The following LRRIQ3 variants were observed in gnomAD, a reference collection of about 807,000 sequenced individuals.
The protein encoded by LRRIQ3 is leucine rich repeats and IQ motif containing 3, also known as leucine-rich repeat and IQ domain-containing protein 3.
A neutral mutation model predicts 59.3 loss-of-function variants in LRRIQ3; 75 were observed. The ratio of observed to expected loss-of-function variants is 1.26; its 90% CI spans 1.05 to 1.53. The LOEUF (loss-of-function observed/expected upper bound fraction) is 1.53, where lower values mean the gene tolerates loss of function less well. Among genes scored for constraint, LRRIQ3 ranks in the 40% most tolerant of loss-of-function variants. The pLI is 0.00. For synonymous variants in LRRIQ3, 250 were observed against 231.3 expected (o/e 1.08, Z -0.73); for missense variants, 831 against 710.0 (o/e 1.17, Z -1.94).
intron 5 of LRRIQ3, among the ~76,000 whole-genome samples, chr1:74,086,086 G>A (rs564591479): frequency 2.0e-5 from 3 of 151,988 alleles, no homozygotes; most frequent in Admixed American, 6.6e-5. Flanking sequence ...AGTGTCTTCA[G>A]GCCAAAATTT....
At chr1:74,108,844 C>A in intron 5 of LRRIQ3, 1 of 362,366 alleles carries the variant, frequency 2.8e-6, no homozygotes, top group South Asian at 2.2e-5. Context: ...ACCTCTATGT[C>A]TCTTAGTTTT....
At chr1:74,035,712 T>C (rs1001245923) in intron 7 of LRRIQ3, among the ~76,000 whole-genome samples, 1 of 152,146 alleles carries the variant, frequency 6.6e-6, no homozygotes, top group African/African-American at 2.4e-5. Context: ...TGCACAACTG[T>C]CTACTGAGAC....
rs867418143 is a variant in LRRIQ3, at chr1:74,041,470, C to T, written c.1461G>A (p.Trp487Ter). ...TTTCAAGGTAGTTGAATCTGTTTTGCCAAACTTGTCGTAAACTGTTCTGAA... is the reference window on the plus strand; with the variant it reads ...TTTCAAGGTAGTTGAATCTGTTTTGTCAAACTTGTCGTAAACTGTTCTGAA... Reference protein sequence around the residue: ...ETIQNSLRQVWQNRFNYLEKA... With the variant: ...ETIQNSLRQV The change falls in exon 7 of 8, where the codon TGG becomes TGA. Residue 487 changes from tryptophan (W) to a stop codon, truncating the protein, a stop_gained. Transcript: ENST00000354431. LOFTEE classifies it high-confidence loss of function. 6.2e-7 allele frequency: 1 copy of T among 1,613,498 alleles called. No homozygotes were observed. Among genetic ancestry groups the T allele is most frequent in the African/African-American group, 1.3e-5 (1 of 74,982 alleles).
rs192223356 is a variant in LRRIQ3 at position 74,180,800 on chromosome 1, C to T, written c.573+1738G>A. Reference sequence around the variant, plus strand: ...GTAAAATAAGACTAACATTTTTCCACATCCAAGGAAACAATGAGGAATAAA... The same window carrying T: ...GTAAAATAAGACTAACATTTTTCCATATCCAAGGAAACAATGAGGAATAAA... On this transcript the variant is annotated intron_variant, in intron 3 of 7. Transcript: ENST00000354431. 16 of 1,549,146 alleles carry T rather than the reference C, an allele frequency of 1.0e-5. No individual in the cohort carries two copies. The Admixed American group carries it at 2.8e-4, about 27-fold the overall frequency.
chr1:74,172,920 T>C (rs1030657377), intron 3 of LRRIQ3, among the ~76,000 whole-genome samples: 1 of 152,164 alleles, frequency 6.6e-6, no homozygotes, highest in Non-Finnish European at 1.5e-5. Flanking sequence ...AATATGTTTT[T>C]CCATTTCTTT....
In LRRIQ3 at chr1:74,107,277, C is replaced by G. The variant is rs1019059076; in HGVS notation, c.867+2117G>C. ...ACCTTGAATTCTATTCTTGGCTAAT[C>G]CTTTGTATTGTTTTGCTCATGGCAT... On this transcript the variant is annotated intron_variant, in intron 5 of 7. Coordinates refer to ENST00000354431, the MANE Select transcript of LRRIQ3 (RefSeq NM_001105659.2). Among the ~76,000 whole-genome samples, 5 of 151,984 alleles carry G rather than the reference C, an allele frequency of 3.3e-5. No individual in the cohort carries two copies. The South Asian group carries it at 8.3e-4, about 25-fold the overall frequency.
At chr1:74,137,687 C>A (rs1647147504) in intron 4 of LRRIQ3, among the ~76,000 whole-genome samples, 1 of 151,992 alleles carries the variant, frequency 6.6e-6, no homozygotes, top group Non-Finnish European at 1.5e-5. Flanking sequence ...AGACTTGGAA[C>A]CAACCCAAAT....
At chr1:74,128,013 T>C (rs2100602588) in intron 4 of LRRIQ3, among the ~76,000 whole-genome samples, 1 of 152,184 alleles carries the variant, frequency 6.6e-6, no homozygotes, top group East Asian at 1.9e-4. Context: ...CAGCTTTTTT[T>C]CCTTCAGCAC....
chr1:74,164,124 T>C (rs934330956), intron 3 of LRRIQ3, among the ~76,000 whole-genome samples: 4 of 151,558 alleles, frequency 2.6e-5, no homozygotes, highest in Non-Finnish European at 4.4e-5. Context: ...TGTATGTGTG[T>C]CTGTGTGTGT....
chr1:74,189,018 T>G (rs1426898839), intron 1 of LRRIQ3, among the ~76,000 whole-genome samples: 2 of 152,182 alleles, frequency 1.3e-5, no homozygotes, highest in Admixed American at 1.3e-4. Flanking sequence ...ATTCTGTGTG[T>G]TGACTCAGTT....
chr1:74,083,965 TATC>T (rs1412576506), intron 5 of LRRIQ3: 1 of 415,234 alleles, frequency 2.4e-6, no homozygotes, highest in Non-Finnish European at 4.4e-6. Flanking sequence ...AAGGAAATAA[TATC>T]ATGAACATTT....
chr1:74,037,645 CA>C (rs1359819127), intron 7 of LRRIQ3, among the ~76,000 whole-genome samples: 3 of 151,864 alleles, frequency 2.0e-5, no homozygotes, highest in Non-Finnish European at 4.4e-5. Flanking sequence ...CAAAACAAAA[CA>C]AAAAACAAAC....
chr1:74,026,969 T>G lies in LRRIQ3; in HGVS notation c.1719A>C (p.Arg573Ser). Residue 573 changes from arginine (R) to serine (S), a missense_variant and splice_region_variant, in exon 8 of 8, where the codon AGA becomes AGC. Transcript: ENST00000354431. ...AATGTCTTTTATATATTTCTTGAGA[T>G]CTAAGAGGAGAAAGAAAGGTAATAG... ...KNLLKEMKKV[R>S]SQEIYKRHCE... The G allele has an allele frequency of 1.3e-6, 2 of 1,518,030 alleles. No individual in the cohort carries two copies. Among genetic ancestry groups the G allele is most frequent in the Non-Finnish European group, 1.8e-6 (2 of 1,114,790 alleles). The allele number at this position is 1,518,030 out of a possible 1,614,324, so 94.0% of individuals were successfully genotyped here.
At chr1:74,085,166 A>C (rs1377112775) in intron 5 of LRRIQ3, among the ~76,000 whole-genome samples, 1 of 151,832 alleles carries the variant, frequency 6.6e-6, no homozygotes, top group African/African-American at 2.4e-5. Flanking sequence ...TTTTCACAAA[A>C]TATATGAAAA....
intron 2 of LRRIQ3, 197 bp from the exon 3 acceptor site, chr1:74,183,058 A>C (rs1316641458): frequency 1.3e-5 from 5 of 382,094 alleles, no homozygotes; most frequent in Admixed American, 8.9e-5. Flanking sequence ...GAGATAATTT[A>C]TTATTATTCG....
Position 74,110,091 on chromosome 1 carries a change from T to C in LRRIQ3, c.708-538A>G, listed in dbSNP as rs1425412774. Among the ~76,000 whole-genome samples the C allele has an allele frequency of 2.0e-5, 3 of 151,970 alleles. No individual in the cohort carries two copies. In the East Asian group the frequency reaches 5.8e-4, roughly 29 times the overall value. On this transcript the variant is annotated intron_variant, in intron 4 of 7. Coordinates refer to ENST00000354431, the MANE Select transcript of LRRIQ3 (RefSeq NM_001105659.2). ...GTTTAAAAAACAGGTAAGCTTAATT[T>C]TAATACTATGCTTTATTTAACCCAA... is the stretch of plus-strand genomic sequence containing the variant.
chr1:74,167,813 AACAC>A (rs201436183), intron 3 of LRRIQ3, among the ~76,000 whole-genome samples: 9 of 150,830 alleles, frequency 6.0e-5, no homozygotes, highest in East Asian at 3.9e-4. Flanking sequence ...ACATAAAATA[AACAC>A]ACACACACAC....
At chr1:74,195,388 G>A (rs1651047810) in intron 1 of LRRIQ3, among the ~76,000 whole-genome samples, 1 of 152,054 alleles carries the variant, frequency 6.6e-6, no homozygotes, top group Admixed American at 6.6e-5. Context: ...ATATAAAGAA[G>A]GGGGGAAAAT....
At chr1:74,055,100 A>G (rs1025248665) in intron 6 of LRRIQ3, among the ~76,000 whole-genome samples, 55 of 148,230 alleles carry the variant, frequency 3.7e-4, no homozygotes, top group African/African-American at 1.3e-3. Context: ...TTATCACAGA[A>G]TAACACAACC....
Sources: gnomAD v4.1 joint callset for allele counts (sites outside exome capture counted in the v4.1 genomes callset) on GRCh38, gnomAD v4.1.1 for gene constraint, MANE v1.5 for transcripts, NCBI Gene and HGNC (gene_info 2026-07-23, HGNC 2026-07-21) for gene names.